Variants in TTC34 observed in about 807,000 individuals in gnomAD.
The protein encoded by TTC34 is tetratricopeptide repeat domain 34, also known as tetratricopeptide repeat protein 34.
TTC34 carries 44 observed loss-of-function variants against 40.7 expected under a neutral mutation model. The ratio of observed to expected loss-of-function variants is 1.08; its 90% CI spans 0.85 to 1.39. TTC34 has a LOEUF of 1.39. Ranked by LOEUF, TTC34 falls within the 40% of genes most tolerant of loss-of-function variation. The pLI is 0.00. For missense variants in TTC34, 884 were observed against 838.0 expected, an observed-to-expected ratio of 1.05 and a Z score of -0.68; for synonymous variants, 422 against 398.6, an observed-to-expected ratio of 1.06 and a Z score of -0.70.
At chr1:2,687,973 GAGAGCA>G (rs2100348840) in intron 6 of TTC34, among the ~76,000 whole-genome samples, 1 of 147,316 alleles carries the variant, frequency 6.8e-6, no homozygotes, top group Admixed American at 6.8e-5. Flanking sequence ...GCACCCCCAG[GAGAGCA>G]TCTGACAGCC....
In TTC34 at chr1:2,700,614, T is replaced by C. The variant is rs574857722; in HGVS notation, c.2227-55051A>G. Among the ~76,000 whole-genome samples the C allele has an allele frequency of 2.6e-4, 30 of 113,804 alleles. 3 individuals are homozygous for C. The highest frequency in any genetic ancestry group is 5.5e-4 in the East Asian group (2 of 3,636). The allele number at this position is 113,804 out of a possible 152,430, so 74.7% of individuals were successfully genotyped here. On this transcript the variant is annotated intron_variant, in intron 6 of 8. Transcript: ENST00000401095. ...ATCTGACAGCCTGAAACAGCACCCT[T>C]CACCTTCAGGTGAGAATATGACAGC... is the stretch of plus-strand genomic sequence containing the variant.
intron 6 of TTC34, among the ~76,000 whole-genome samples, chr1:2,762,007 AC>A: frequency 2.3e-5 from 1 of 44,176 alleles, no homozygotes; most frequent in Non-Finnish European, 3.8e-5. Context: ...AGCAGCGCCC[AC>A]ACCCCCAGGT....
chr1:2,776,382 C>G (rs1360220105), intron 6 of TTC34: 11 of 142,432 alleles, frequency 7.7e-5, no homozygotes, highest in African/African-American at 3.3e-4. Flanking sequence ...GAGCATCCGA[C>G]AGCCTGGAAC....
intron 6 of TTC34, among the ~76,000 whole-genome samples, chr1:2,772,948 G>C (rs1642495703): frequency 7.5e-6 from 1 of 132,760 alleles, no homozygotes; most frequent in Non-Finnish European, 1.6e-5. Flanking sequence ...CCCCAGGCGA[G>C]CATCTGACAG....
chr1:2,749,462 C>A (rs1427568891), intron 6 of TTC34, among the ~76,000 whole-genome samples: 1 of 102,636 alleles, frequency 9.7e-6, no homozygotes, highest in Non-Finnish European at 1.9e-5. Flanking sequence ...GAGCATCTGA[C>A]GGCCTGGAAC....
At chr1:2,653,229 C>T (rs1258051682) in intron 6 of TTC34, among the ~76,000 whole-genome samples, 1 of 123,896 alleles carries the variant, frequency 8.1e-6, no homozygotes, top group African/African-American at 2.9e-5. Flanking sequence ...ATCTGACAGA[C>T]TGGAACAGCA....
Position 2,681,895 on chromosome 1 carries a change from A to G in TTC34, c.2227-36332T>C, listed in dbSNP as rs1287796253. Among the ~76,000 whole-genome samples the G allele has an allele frequency of 1.9e-3, 65 of 34,354 alleles. 1 individual carries two copies. The highest frequency in any genetic ancestry group is 3.3e-3 in the Non-Finnish European group (45 of 13,504). 22.5% of individuals were successfully genotyped at this position (34,354 alleles called of 152,430 possible). A position where few individuals can be genotyped will look rare whatever the true frequency, so the allele number is the denominator to read the frequency against. On this transcript the variant is annotated intron_variant, in intron 6 of 8. Transcript: ENST00000401095. ...GGTGAGCATCTGACAGCCTGGAACA[A>G]CAGCCTGCACCACCAGGTGCGCATG...
Position 2,752,736 on chromosome 1 carries a change from C to A in TTC34, c.2226+30873G>T, listed in dbSNP as rs1450313367. On this transcript the variant is annotated intron_variant, in intron 6 of 8. Transcript: ENST00000401095. ...CAGCATGGAACAGCACCCTGCACCC[C>A]CAGGACAGCATCTGACAGCGTGGAA... is the stretch of plus-strand genomic sequence containing the variant. Among the ~76,000 whole-genome samples, 15 of 119,586 alleles carry A rather than the reference C, an allele frequency of 1.3e-4. 1 individual carries two copies. Among genetic ancestry groups the A allele is most frequent in the African/African-American group, 3.9e-4 (11 of 28,222 alleles). The allele number at this position is 119,586 out of a possible 152,430, so 78.5% of individuals were successfully genotyped here.
In TTC34 at chr1:2,767,750, A is replaced by G. The variant is rs1422803816; in HGVS notation, c.2226+15859T>C. Among the ~76,000 whole-genome samples, 52 of 136,338 alleles carry G rather than the reference A, an allele frequency of 3.8e-4. 4 individuals carry two copies. The Admixed American group carries it at 3.9e-3, about 10-fold the overall frequency. 89.4% of individuals were successfully genotyped at this position (136,338 alleles called of 152,430 possible). ...CTTCCAGGTGAGAATATGACAGAAT[A>G]AAGCAGCACCCTGCACCCCCAGTTG... On this transcript the variant is annotated intron_variant, in intron 6 of 8. Coordinates refer to ENST00000401095, the Ensembl canonical transcript of TTC34.
In TTC34 at chr1:2,796,884, C is replaced by T. The variant is rs978431814; in HGVS notation, c.784+3160G>A. 1.3e-5 allele frequency among the ~76,000 whole-genome samples: 2 copies of T among 152,200 alleles called. No homozygotes were observed. Among genetic ancestry groups the T allele is most frequent in the Admixed American group, 1.3e-4 (2 of 15,282 alleles). ...CTAACTGGTTCCTGCCCCACCCTCTCGTTGGGGTCACCAAGAACCTCGGCA... is the reference window on the plus strand; with the variant it reads ...CTAACTGGTTCCTGCCCCACCCTCTTGTTGGGGTCACCAAGAACCTCGGCA... On this transcript the variant is annotated intron_variant, in intron 2 of 8. Coordinates refer to ENST00000401095, the Ensembl canonical transcript of TTC34. The surrounding 1 kb of genome is among the most constrained non-coding windows in gnomAD (Gnocchi z 4.5).
chr1:2,757,763 C>T (rs1641554876), intron 6 of TTC34, among the ~76,000 whole-genome samples: 3 of 147,400 alleles, frequency 2.0e-5, no homozygotes, highest in East Asian at 2.0e-4. Flanking sequence ...CACAGGCGAG[C>T]ATCTGAACCC....
intron 6 of TTC34, among the ~76,000 whole-genome samples, chr1:2,782,599 G>GT (rs1643502948): frequency 6.6e-6 from 1 of 151,842 alleles, no homozygotes; most frequent in Non-Finnish European, 1.5e-5. Flanking sequence ...GATCTTTCTT[G>GT]TTTTTTAATG....
intron 6 of TTC34, among the ~76,000 whole-genome samples, chr1:2,781,325 T>C (rs1444973598): frequency 2.0e-5 from 3 of 152,220 alleles, no homozygotes; most frequent in African/African-American, 7.2e-5. Context: ...TTAATTCCCT[T>C]TTTAGATTGT....
chr1:2,775,587 C>T lies in TTC34; in HGVS notation c.2226+8022G>A, dbSNP rs936748228. 7.4e-5 allele frequency: 11 copies of T among 148,756 alleles called. 1 individual carries two copies. Among genetic ancestry groups the T allele is most frequent in the African/African-American group, 2.9e-4 (11 of 38,358 alleles). 9.2% of individuals were successfully genotyped at this position (148,756 alleles called of 1,614,324 possible). A position where few individuals can be genotyped will look rare whatever the true frequency, so the allele number is the denominator to read the frequency against. On this transcript the variant is annotated intron_variant, in intron 6 of 8. Transcript: ENST00000401095. ...GGGCATCCGATGGCATGGGACAGCA[C>T]CCCCACTCACAGGTGATGTGACTGC...
intron 6 of TTC34, among the ~76,000 whole-genome samples, chr1:2,647,930 G>A (rs550040136): frequency 1.1e-4 from 16 of 151,626 alleles, no homozygotes; most frequent in Middle Eastern, 3.4e-3. Flanking sequence ...CCAATCTGCT[G>A]TTGTGCCTGC....
intron 6 of TTC34, among the ~76,000 whole-genome samples, chr1:2,680,975 C>A (rs1640044401): frequency 1.2e-5 from 1 of 80,610 alleles, no homozygotes; most frequent in Middle Eastern, 7.4e-3. Context: ...CCTGGAGCAG[C>A]ACCCACACCC....
intron 6 of TTC34, among the ~76,000 whole-genome samples, chr1:2,686,643 C>T (rs1454857293): frequency 1.3e-5 from 2 of 149,934 alleles, no homozygotes; most frequent in South Asian, 2.1e-4. Flanking sequence ...CACCCACACA[C>T]CCAGGTGAGC....
chr1:2,751,769 C>A (rs1368095778), intron 6 of TTC34, among the ~76,000 whole-genome samples: 785 of 51,248 alleles, frequency 0.015, no homozygotes, highest in East Asian at 0.033. Context: ...CACCCCACAC[C>A]CACAGGTGAG....
intron 6 of TTC34, among the ~76,000 whole-genome samples, chr1:2,653,373 G>C (rs1245507453): frequency 6.6e-6 from 1 of 152,134 alleles, no homozygotes; most frequent in African/African-American, 2.4e-5. Context: ...CACACCCCCA[G>C]GCGAGCATCT....
Sources: gnomAD v4.1 joint callset for allele counts (sites outside exome capture counted in the v4.1 genomes callset) on GRCh38, gnomAD v4.1.1 for gene constraint, Gnocchi (gnomAD v3.1) non-coding constraint, MANE v1.5 for transcripts, NCBI Gene and HGNC (gene_info 2026-07-23, HGNC 2026-07-21) for gene names.